The following TNFRSF10D variants were observed in gnomAD, a reference collection of about 807,000 sequenced individuals.
The protein encoded by TNFRSF10D is TNF receptor superfamily member 10d, also known as tumor necrosis factor receptor superfamily member 10D.
A neutral mutation model predicts 42.1 loss-of-function variants in TNFRSF10D; 28 were observed. The observed-to-expected ratio is 0.66, with a 90% CI of 0.49 to 0.91. TNFRSF10D has a LOEUF of 0.91. TNFRSF10D is among the 40% of genes least tolerant of loss of function. TNFRSF10D has a pLI of 0.00. For missense variants in TNFRSF10D, 503 were observed against 486.1 expected (o/e 1.03, Z -0.33); for synonymous variants, 186 against 189.4 (o/e 0.98, Z 0.15).
intron 7 of TNFRSF10D, among the ~76,000 whole-genome samples, chr8:23,141,810 G>C (rs115703291): frequency 3.4e-3 from 517 of 151,414 alleles, no homozygotes; most frequent in African/African-American, 0.011. Flanking sequence ...TAAAAAGCCA[G>C]TAACAGTAAA....
intron 3 of TNFRSF10D, among the ~76,000 whole-genome samples, chr8:23,147,717 G>A (rs1265601686): frequency 2.0e-5 from 3 of 151,978 alleles, no homozygotes; most frequent in Admixed American, 6.6e-5. Flanking sequence ...ACCTGAGGTC[G>A]GGAGTTCGAG....
chr8:23,163,526 C>T (rs1800405705), intron 1 of TNFRSF10D, among the ~76,000 whole-genome samples: 1 of 152,224 alleles, frequency 6.6e-6, no homozygotes. Flanking sequence ...CTGGAACTTC[C>T]TCTGGGGCAG....
chr8:23,158,949 T>C (rs2128839765), intron 1 of TNFRSF10D, among the ~76,000 whole-genome samples: 1 of 152,324 alleles, frequency 6.6e-6, no homozygotes, highest in East Asian at 1.9e-4. Flanking sequence ...CATTTTTCAA[T>C]GTAATCCTCT....
chr8:23,163,237 G>A (rs996851106), intron 1 of TNFRSF10D, among the ~76,000 whole-genome samples: 1 of 152,010 alleles, frequency 6.6e-6, no homozygotes, highest in African/African-American at 2.4e-5. Context: ...CGAGTAGCTG[G>A]GATTACAGGC....
In TNFRSF10D at chr8:23,163,997, G is replaced by C. The variant is rs1800415746; in HGVS notation, c.-62C>G. On this transcript the variant is annotated 5_prime_UTR_variant, in exon 1 of 9. Transcript: ENST00000312584. The stretch of plus-strand genomic sequence containing the variant: ...CAATCAGAAATCGTCCCCGTAGTTT[G>C]TGCGCGTGCAAAGGTTCTCGCAGCT... 6.7e-7 allele frequency: 1 copy of C among 1,490,870 alleles called. No individual in the cohort carries two copies. Among genetic ancestry groups the C allele is most frequent in the East Asian group, 2.5e-5 (1 of 39,304 alleles). 92.4% of individuals were successfully genotyped at this position (1,490,870 alleles called of 1,614,324 possible). A position where few individuals can be genotyped will look rare whatever the true frequency, so the allele number is the denominator to read the frequency against.
chr8:23,140,497 T>C (rs113991200), intron 7 of TNFRSF10D, among the ~76,000 whole-genome samples: 818 of 151,636 alleles, frequency 5.4e-3, no homozygotes, highest in African/African-American at 0.017. Flanking sequence ...AAATCATAGA[T>C]AACATGAACA....
intron 6 of TNFRSF10D, 101 bp downstream of exon 6, chr8:23,144,957 C>G: frequency 6.5e-7 from 1 of 1,541,642 alleles, no homozygotes. Context: ...AGAGTCAGGG[C>G]AGCCATGAGG....
intron 2 of TNFRSF10D, among the ~76,000 whole-genome samples, chr8:23,154,302 A>G (rs962550690): frequency 6.6e-6 from 1 of 152,230 alleles, no homozygotes. Flanking sequence ...ATTGTGTGAC[A>G]TGGTGACTAC....
chr8:23,143,126 G>C (rs4872061), intron 7 of TNFRSF10D, among the ~76,000 whole-genome samples: 40,291 of 152,004 alleles, frequency 0.27, 6,367 homozygotes, highest in Middle Eastern at 0.37. Flanking sequence ...ACAGGCACCC[G>C]CTACCACGCC....
Position 23,140,524 on chromosome 8 carries a change from A to G in TNFRSF10D, c.955-2264T>C, listed in dbSNP as rs990535482. Reference sequence around the variant, plus strand: ...ACATGAACAAATGGAAAAACATTCCATGCTCATGGATTGGAAGAATTAATA... The same window carrying G: ...ACATGAACAAATGGAAAAACATTCCGTGCTCATGGATTGGAAGAATTAATA... On this transcript the variant is annotated intron_variant, in intron 7 of 8. Transcript: ENST00000312584. Among the ~76,000 whole-genome samples the G allele has an allele frequency of 2.6e-5, 4 of 152,340 alleles. No individual in the cohort carries two copies. In the East Asian group the frequency reaches 7.7e-4, roughly 29 times the overall value.
Position 23,135,683 on chromosome 8 carries a change from C to T in TNFRSF10D, c.*2187G>A, listed in dbSNP as rs950607826. The T allele has an allele frequency of 1.0e-5, 3 of 286,042 alleles. No individual in the cohort carries two copies. The highest frequency in any genetic ancestry group is 2.1e-5 in the Non-Finnish European group (3 of 143,252). 17.7% of individuals were successfully genotyped at this position (286,042 alleles called of 1,614,324 possible). Reference sequence around the variant, plus strand: ...TGTGCTATTTGGCCCGGGTATAAAGCAAAACCTAAACAAATCAACCAACGC... The same window carrying T: ...TGTGCTATTTGGCCCGGGTATAAAGTAAAACCTAAACAAATCAACCAACGC... On this transcript the variant is annotated 3_prime_UTR_variant, in exon 9 of 9. Transcript: ENST00000312584.
chr8:23,145,550 A>G lies in TNFRSF10D; in HGVS notation c.736+118T>C, dbSNP rs116525088. 2.0e-3 allele frequency: 3,010 copies of G among 1,497,862 alleles called. 10 individuals are homozygous for G. The African/African-American group carries it at 0.036, about 18-fold the overall frequency. 92.8% of individuals were successfully genotyped at this position (1,497,862 alleles called of 1,614,324 possible). A position where few individuals can be genotyped will look rare whatever the true frequency, so the allele number is the denominator to read the frequency against. ...TGGGGCGATCACAAGAAGGAAGACC[A>G]AGCCAGGCTGGAGACGCTTGGACCA... On this transcript the variant is annotated intron_variant, in intron 5 of 8. Coordinates refer to ENST00000312584, the MANE Select transcript of TNFRSF10D (RefSeq NM_003840.5).
chr8:23,162,829 A>G (rs1225840594), intron 1 of TNFRSF10D, among the ~76,000 whole-genome samples: 1 of 152,234 alleles, frequency 6.6e-6, no homozygotes, highest in African/African-American at 2.4e-5. Context: ...GTTACAAAAA[A>G]CAGCGTTGGA....
chr8:23,151,945 T>G (rs1800217349), intron 2 of TNFRSF10D, among the ~76,000 whole-genome samples: 1 of 152,220 alleles, frequency 6.6e-6, no homozygotes, highest in Non-Finnish European at 1.5e-5. Context: ...GATTTCATCA[T>G]GGATGTTCAC....
Position 23,148,423 on chromosome 8 carries a change from C to G in TNFRSF10D, c.370+15G>C, listed in dbSNP as rs1563358112. 1 of 1,595,872 alleles carries G rather than the reference C, an allele frequency of 6.3e-7. No homozygotes were observed. The highest frequency in any genetic ancestry group is 8.6e-7 in the Non-Finnish European group (1 of 1,165,526). ...TGCACTCCACCTCTGGGCAAGGGGT[C>G]CACACATTCTGTACCTGATTTACAA... On this transcript the variant is annotated intron_variant, in intron 3 of 8. Transcript: ENST00000312584.
intron 2 of TNFRSF10D, 132 bp from the exon 3 acceptor site, chr8:23,148,683 G>T (rs1018071979): frequency 6.8e-6 from 4 of 591,176 alleles, no homozygotes; most frequent in Non-Finnish European, 1.2e-5. Context: ...GCTTGGTCTT[G>T]TCATCAATTC....
At chr8:23,149,714 A>G (rs1264707454) in intron 2 of TNFRSF10D, among the ~76,000 whole-genome samples, 843 of 151,880 alleles carry the variant, frequency 5.6e-3, no homozygotes, top group African/African-American at 0.017. Flanking sequence ...TGTCATTCCT[A>G]GGGAGGCTGC....
chr8:23,154,728 C>A, intron 2 of TNFRSF10D, 146 bp downstream of exon 2: 1 of 946,458 alleles, frequency 1.1e-6, no homozygotes, highest in Non-Finnish European at 1.6e-6. Context: ...GTTCTTACAA[C>A]AAATACACGA....
At chr8:23,148,381 C>T in intron 3 of TNFRSF10D, 57 bp downstream of exon 3, 2 of 1,403,288 alleles carry the variant, frequency 1.4e-6, no homozygotes, top group Non-Finnish European at 1.0e-6. Flanking sequence ...TCGGCTACAG[C>T]TCCCACCTCA....
Sources: allele counts gnomAD v4.1 joint callset (sites outside exome capture counted in the v4.1 genomes callset), GRCh38; gene constraint gnomAD v4.1.1; transcripts MANE v1.5; gene names NCBI Gene and HGNC (gene_info 2026-07-23, HGNC 2026-07-21).